Variants in BARX2 observed in about 807,000 individuals in gnomAD.
BARX2 encodes the protein homeobox protein BarH-like 2.
A neutral mutation model predicts 25.5 loss-of-function variants in BARX2; 11 were observed. The ratio of observed to expected loss-of-function variants is 0.43; its 90% confidence interval spans 0.27 to 0.71. The LOEUF (loss-of-function observed/expected upper bound fraction) is 0.71. Ranked by LOEUF, BARX2 falls within the 30% of genes least tolerant of loss-of-function variation. BARX2 has a pLI of 0.19. For synonymous variants in BARX2, 137 were observed against 149.5 expected (o/e 0.92, Z 0.61); for missense variants, 360 against 359.9 (o/e 1.00, Z 0.00).
intron 1 of BARX2, among the ~76,000 whole-genome samples, chr11:129,434,423 A>T (rs1252510828): frequency 0.021 from 26 of 1,216 alleles, no homozygotes; most frequent in East Asian, 0.05. Flanking sequence ...AAAGTAAGTA[A>T]AAAAAAAAAA....
intron 1 of BARX2, among the ~76,000 whole-genome samples, chr11:129,408,935 C>T (rs1235318621): frequency 6.6e-6 from 1 of 152,142 alleles, no homozygotes; most frequent in Non-Finnish European, 1.5e-5. Context: ...CCATTGAATA[C>T]GATTGAACTT....
intron 2 of BARX2, among the ~76,000 whole-genome samples, chr11:129,441,634 A>AGAT (rs1215266544): frequency 7.3e-6 from 1 of 137,784 alleles, no homozygotes; most frequent in Non-Finnish European, 1.5e-5. Flanking sequence ...TTTTTAGTAG[A>AGAT]GATGGGGGTC....
At chr11:129,421,804 G>A (rs1263357513) in intron 1 of BARX2, among the ~76,000 whole-genome samples, 1 of 151,956 alleles carries the variant, frequency 6.6e-6, no homozygotes, top group East Asian at 1.9e-4. Context: ...AGGCACAAAT[G>A]CCTTTTCCTC....
At chr11:129,394,343 T>C (rs1010881152) in intron 1 of BARX2, among the ~76,000 whole-genome samples, 1 of 152,212 alleles carries the variant, frequency 6.6e-6, no homozygotes, top group East Asian at 1.9e-4. Flanking sequence ...TTAAATTCCT[T>C]TTTAGAAAAC....
intron 1 of BARX2, among the ~76,000 whole-genome samples, chr11:129,395,883 C>T (rs887271322): frequency 1.3e-5 from 2 of 152,044 alleles, no homozygotes; most frequent in African/African-American, 4.8e-5. Context: ...CACCCGTGCT[C>T]AGGGTTTGCT....
At chr11:129,447,328 A>G (rs1862342713) in intron 3 of BARX2, among the ~76,000 whole-genome samples, 1 of 152,212 alleles carries the variant, frequency 6.6e-6, no homozygotes, top group Non-Finnish European at 1.5e-5. Context: ...GGCTGTCACC[A>G]GGCACGGCTA....
In BARX2 at chr11:129,436,472, G is replaced by A. The variant is rs1416535118; in HGVS notation, c.188-279G>A. On this transcript the variant is annotated intron_variant, in intron 1 of 3. Transcript: ENST00000281437. The surrounding 1 kb of genome is among the most constrained non-coding windows in gnomAD (Gnocchi z 4.5). ...CATGGACCAAGAATTTAGGGATTCCGAAGGGAGAGAGGGGAAAGATCTGCT... is the reference window on the plus strand; with the variant it reads ...CATGGACCAAGAATTTAGGGATTCCAAAGGGAGAGAGGGGAAAGATCTGCT... 11 of 380,052 alleles carry A rather than the reference G, an allele frequency of 2.9e-5. No homozygotes were observed. The highest frequency in any genetic ancestry group is 2.3e-4 in the East Asian group (6 of 26,258). The allele number at this position is 380,052 out of a possible 1,614,324, so 23.5% of individuals were successfully genotyped here.
intron 1 of BARX2, among the ~76,000 whole-genome samples, chr11:129,387,076 G>A (rs1385943759): frequency 1.3e-5 from 2 of 152,144 alleles, no homozygotes; most frequent in African/African-American, 4.8e-5. Context: ...GCGGGTTACG[G>A]GACAAAGTCC....
chr11:129,429,007 G>GT (rs57076671), intron 1 of BARX2, among the ~76,000 whole-genome samples: 24,703 of 130,494 alleles, frequency 0.19, 2,622 homozygotes, highest in East Asian at 0.61. Context: ...TAGAAGTTGT[G>GT]TTTTTTTTTT....
intron 1 of BARX2, among the ~76,000 whole-genome samples, chr11:129,429,779 G>A (rs1862109066): frequency 6.6e-6 from 1 of 152,166 alleles, no homozygotes; most frequent in South Asian, 2.1e-4. Context: ...CCTAGTGGAT[G>A]TAAATCAGAA....
At chr11:129,380,442 A>G (rs1861550710) in intron 1 of BARX2, among the ~76,000 whole-genome samples, 1 of 152,110 alleles carries the variant, frequency 6.6e-6, no homozygotes, top group Non-Finnish European at 1.5e-5. Flanking sequence ...CTAGTGCTTC[A>G]TGGAGTTAGC....
intron 1 of BARX2, among the ~76,000 whole-genome samples, chr11:129,381,933 C>G (rs1029975104): frequency 6.6e-6 from 1 of 152,172 alleles, no homozygotes; most frequent in Non-Finnish European, 1.5e-5. Context: ...GAAATTCTGT[C>G]GCTCCATGGG....
intron 2 of BARX2, among the ~76,000 whole-genome samples, chr11:129,441,247 G>A (rs1862253723): frequency 6.6e-6 from 1 of 152,124 alleles, no homozygotes; most frequent in African/African-American, 2.4e-5. Context: ...GTGAGTGGGT[G>A]TGAGCCCCAA....
chr11:129,411,135 G>A (rs138711667), intron 1 of BARX2, among the ~76,000 whole-genome samples: 1,627 of 152,254 alleles, frequency 0.011, 26 homozygotes, highest in African/African-American at 0.037. Context: ...ACTTTGGGAG[G>A]CCGAGGCGGG....
intron 1 of BARX2, among the ~76,000 whole-genome samples, chr11:129,432,268 G>T (rs908538778): frequency 7.2e-5 from 11 of 151,880 alleles, no homozygotes; most frequent in Admixed American, 7.2e-4. Context: ...CGTCATATTG[G>T]CCAGGCTTGT....
In BARX2 at chr11:129,390,120, G is replaced by A. The variant is rs908546454; in HGVS notation, c.187+13898G>A. Reference sequence around the variant, plus strand: ...ATGAATCCCCTCCACGGTGTGAGAAGAATTCTCTTGATGAGGAGTTCTCAC... The same window carrying A: ...ATGAATCCCCTCCACGGTGTGAGAAAAATTCTCTTGATGAGGAGTTCTCAC... On this transcript the variant is annotated intron_variant, in intron 1 of 3. Coordinates refer to ENST00000281437, the MANE Select transcript of BARX2 (RefSeq NM_003658.5). The surrounding 1 kb of genome is among the most constrained non-coding windows in gnomAD (Gnocchi z 4.3). Among the ~76,000 whole-genome samples, 1 of 152,212 alleles carries A rather than the reference G, an allele frequency of 6.6e-6. No homozygotes were observed. Among genetic ancestry groups the A allele is most frequent in the Non-Finnish European group, 1.5e-5 (1 of 68,044 alleles).
chr11:129,408,105 A>G (rs181818875), intron 1 of BARX2, among the ~76,000 whole-genome samples: 71 of 151,796 alleles, frequency 4.7e-4, no homozygotes, highest in African/African-American at 1.6e-3. Context: ...AAACAGAACA[A>G]CCTCTGCAGG....
At chr11:129,410,103 A>G (rs1292933618) in intron 1 of BARX2, among the ~76,000 whole-genome samples, 2 of 152,234 alleles carry the variant, frequency 1.3e-5, no homozygotes, top group African/African-American at 2.4e-5. Flanking sequence ...TGAATAGAAA[A>G]TGTTTATGGA....
At chr11:129,401,891 G>C (rs1265396762) in intron 1 of BARX2, among the ~76,000 whole-genome samples, 1 of 151,822 alleles carries the variant, frequency 6.6e-6, no homozygotes, top group Non-Finnish European at 1.5e-5. Context: ...AGAAGGCAGA[G>C]GTTGTAGTGA....
Sources: allele counts gnomAD v4.1 joint callset (sites outside exome capture counted in the v4.1 genomes callset), GRCh38; gene constraint gnomAD v4.1.1; non-coding constraint Gnocchi (gnomAD v3.1); transcripts MANE v1.5; gene names NCBI Gene and HGNC (gene_info 2026-07-23, HGNC 2026-07-21).